The following PDILT variants were observed in gnomAD, a reference collection of about 807,000 sequenced individuals.
The protein encoded by PDILT is protein disulfide-isomerase-like protein of the testis.
A neutral mutation model predicts 53.7 loss-of-function variants in PDILT; 43 were observed. The ratio of observed to expected loss-of-function variants is 0.80; its 90% CI spans 0.63 to 1.03. PDILT has a LOEUF of 1.03. Among genes scored for constraint, PDILT ranks in the 50% least tolerant of loss-of-function variants. The pLI, the probability that PDILT is intolerant of heterozygous loss-of-function variation, is 0.00. For synonymous variants in PDILT, 282 were observed against 274.2 expected (o/e 1.03, Z -0.28); for missense variants, 727 against 712.3 (o/e 1.02, Z -0.24).
chr16:20,367,058 T>C (rs1345296602), intron 8 of PDILT, among the ~76,000 whole-genome samples: 1 of 119,654 alleles, frequency 8.4e-6, no homozygotes, highest in South Asian at 2.8e-4. Flanking sequence ...TTTCTTTCTT[T>C]CTTTCTTTCT....
intron 7 of PDILT, among the ~76,000 whole-genome samples, chr16:20,370,301 G>A (rs1230754405): frequency 3.9e-5 from 6 of 152,164 alleles, no homozygotes; most frequent in Non-Finnish European, 8.8e-5. Context: ...CAACAAATGA[G>A]TGAATGAACT....
chr16:20,370,633 A>G (rs1966292103), intron 7 of PDILT, among the ~76,000 whole-genome samples: 1 of 152,220 alleles, frequency 6.6e-6, no homozygotes, highest in Non-Finnish European at 1.5e-5. Flanking sequence ...CATCTTGAAT[A>G]CAGGCTGGGT....
intron 10 of PDILT, among the ~76,000 whole-genome samples, chr16:20,361,640 G>A (rs538612123): frequency 5.9e-5 from 9 of 152,298 alleles, no homozygotes; most frequent in Non-Finnish European, 1.2e-4. Flanking sequence ...TGCAGACTGA[G>A]CAAAGAGTGG....
intron 7 of PDILT, among the ~76,000 whole-genome samples, chr16:20,372,499 G>T (rs1324159313): frequency 6.6e-6 from 1 of 152,128 alleles, no homozygotes; most frequent in East Asian, 1.9e-4. Flanking sequence ...CCACTTAGTG[G>T]TCCATCAAAA....
intron 8 of PDILT, 144 bp downstream of exon 8, chr16:20,369,348 T>C (rs1254725413): frequency 1.1e-6 from 1 of 891,826 alleles, no homozygotes; most frequent in Admixed American, 2.1e-5. Context: ...GGTGGGGAGA[T>C]GGGGGATTTC....
In PDILT at chr16:20,400,660, G is replaced by T. The variant is rs551756011; in HGVS notation, c.-7-1353C>A. On this transcript the variant is annotated intron_variant, in intron 1 of 11. Transcript: ENST00000302451. The stretch of plus-strand genomic sequence containing the variant: ...GTACAAAAATAGAGAGATGGTACAA[G>T]GTACCCCCAAGGTACCCATCACTCA... Among the ~76,000 whole-genome samples, 192 of 152,040 alleles carry T rather than the reference G, an allele frequency of 1.3e-3. 1 individual carries two copies. Among genetic ancestry groups the T allele is most frequent in the Middle Eastern group, 3.4e-3 (1 of 294 alleles).
At chr16:20,360,996 G>C (rs1016921364) in intron 10 of PDILT, among the ~76,000 whole-genome samples, 4 of 152,110 alleles carry the variant, frequency 2.6e-5, no homozygotes, top group Non-Finnish European at 5.9e-5. Flanking sequence ...TACCTACCTC[G>C]TAGGGTTGTT....
chr16:20,386,435 C>G (rs1406321967), intron 2 of PDILT, among the ~76,000 whole-genome samples: 1 of 152,174 alleles, frequency 6.6e-6, no homozygotes, highest in Non-Finnish European at 1.5e-5. Flanking sequence ...ATCTGGAGCA[C>G]TTGGAGAAAG....
At chr16:20,394,797 C>A (rs1046038653) in intron 2 of PDILT, among the ~76,000 whole-genome samples, 8 of 152,162 alleles carry the variant, frequency 5.3e-5, no homozygotes, top group African/African-American at 1.9e-4. Flanking sequence ...GCAGAGGTTT[C>A]TGTGGAGTAC....
intron 2 of PDILT, among the ~76,000 whole-genome samples, chr16:20,396,491 T>C (rs1443987358): frequency 2.0e-5 from 3 of 152,222 alleles, no homozygotes. Context: ...GGGCATTACG[T>C]GGAAGCCCAA....
rs1966061990 is a variant in PDILT, at chr16:20,359,255, A to G, written c.*64T>C. 2 of 1,592,330 alleles carry G rather than the reference A, an allele frequency of 1.3e-6. No homozygotes were observed. Among genetic ancestry groups the G allele is most frequent in the African/African-American group, 1.4e-5 (1 of 73,838 alleles). Reference sequence around the variant, plus strand: ...ATGATATATGCTTTTATTGGAATCAATCCATTCAGAAAATGATGCCAGGAT... The same window carrying G: ...ATGATATATGCTTTTATTGGAATCAGTCCATTCAGAAAATGATGCCAGGAT... On this transcript the variant is annotated 3_prime_UTR_variant, in exon 12 of 12. Transcript: ENST00000302451.
intron 2 of PDILT, among the ~76,000 whole-genome samples, chr16:20,385,188 T>C (rs569207698): frequency 2.0e-5 from 3 of 152,356 alleles, no homozygotes; most frequent in Admixed American, 6.5e-5. Flanking sequence ...ATGAGATTTA[T>C]GTCACAACCA....
rs78751740 is a variant in PDILT, at chr16:20,374,840, G to A, written c.663C>T (p.Ser221=). The A allele has an allele frequency of 0.023, 36,867 of 1,613,368 alleles. 914 individuals carry two copies. The highest frequency in any genetic ancestry group is 0.14 in the East Asian group (6,075 of 44,848). The change falls in exon 5 of 12, where the codon AGC becomes AGT. Residue 221 remains serine, a synonymous_variant. Coordinates refer to ENST00000302451, the MANE Select transcript of PDILT (RefSeq NM_174924.2). ...VIGRFHVTLD[S]VLVFKKGKIV... The stretch of plus-strand genomic sequence containing the variant: ...ATCCTACCTTTTTGAACACCAGGAC[G>A]CTGTCAAGGGTGACGTGGAAACGCC...
In PDILT at chr16:20,374,811, C is replaced by A; in HGVS notation, c.681+11G>T. On this transcript the variant is annotated intron_variant, in intron 5 of 11. Transcript: ENST00000302451. ...AGAGACCTCTCACTAGCAATAGGAT[C>A]AAAATCCTACCTTTTTGAACACCAG... 1 of 1,608,802 alleles carries A rather than the reference C, an allele frequency of 6.2e-7. No homozygotes were observed. The highest frequency in any genetic ancestry group is 8.5e-7 in the Non-Finnish European group (1 of 1,177,808).
At chr16:20,402,804 T>C (rs1966760548) in intron 1 of PDILT, among the ~76,000 whole-genome samples, 1 of 152,186 alleles carries the variant, frequency 6.6e-6, no homozygotes, top group Non-Finnish European at 1.5e-5. Context: ...CCTGAGACTG[T>C]AGCATCCACC....
intron 2 of PDILT, among the ~76,000 whole-genome samples, chr16:20,388,300 C>A (rs28533706): frequency 0.033 from 4,988 of 152,206 alleles, 274 homozygotes; most frequent in African/African-American, 0.12. Flanking sequence ...CCTGGTTAAT[C>A]TTCAGAACAA....
intron 3 of PDILT, among the ~76,000 whole-genome samples, chr16:20,384,311 C>G (rs1335074235): frequency 6.6e-6 from 1 of 152,198 alleles, no homozygotes; most frequent in South Asian, 2.1e-4. Context: ...AAAAACAGAG[C>G]TGAACTGTAT....
chr16:20,398,930 ATT>A (rs1483558002), intron 2 of PDILT, among the ~76,000 whole-genome samples, 167 bp downstream of exon 2: 1 of 152,222 alleles, frequency 6.6e-6, no homozygotes, highest in Non-Finnish European at 1.5e-5. Context: ...TCCCTGGAGT[ATT>A]CTCATCTGGA....
chr16:20,383,215 AGTTCTCTC>A, intron 3 of PDILT, among the ~76,000 whole-genome samples: 1 of 152,134 alleles, frequency 6.6e-6, no homozygotes, highest in African/African-American at 2.4e-5. Flanking sequence ...AAGTGGAGTC[AGTTCTCTC>A]CTGCCCTTCA....
Sources: gnomAD v4.1 joint callset for allele counts (sites outside exome capture counted in the v4.1 genomes callset) on GRCh38, gnomAD v4.1.1 for gene constraint, MANE v1.5 for transcripts, NCBI Gene and HGNC (gene_info 2026-07-23, HGNC 2026-07-21) for gene names.